Variants in CHD9 observed in about 807,000 individuals in gnomAD.
The protein encoded by CHD9 is ATP-dependent chromatin remodeler CHD9.
CHD9 carries 77 observed loss-of-function variants against 316.1 expected under a neutral mutation model. The observed-to-expected ratio is 0.24, with a 90% CI of 0.20 to 0.29. The LOEUF is 0.29. CHD9 is among the 10% of genes least tolerant of loss of function. CHD9 has a pLI of 1.00. For synonymous variants in CHD9, 1,129 were observed against 1,158.3 expected (o/e 0.97, Z 0.51); for missense variants, 2,763 against 3,438.1 (o/e 0.80, Z 4.91).
intron 2 of CHD9, 46 bp downstream of exon 2, chr16:53,157,587 G>A: frequency 6.5e-7 from 1 of 1,536,338 alleles, no homozygotes; most frequent in Non-Finnish European, 8.8e-7. Context: ...GGGTAGGGCG[G>A]ACTGTTAGTC....
chr16:53,307,962 A>T lies in CHD9; in HGVS notation c.7053+9A>T, dbSNP rs1249364794. ...CAGTGAAAATCAAAGACGTATGTGTATTTTTATTGCCCTAGGGCCTGATTG... is the reference window on the plus strand; with the variant it reads ...CAGTGAAAATCAAAGACGTATGTGTTTTTTTATTGCCCTAGGGCCTGATTG... On this transcript the variant is annotated intron_variant, in intron 33 of 38. Transcript: ENST00000447540. 1 of 1,583,174 alleles carries T rather than the reference A, an allele frequency of 6.3e-7. No individual in the cohort carries two copies. Among genetic ancestry groups the T allele is most frequent in the African/African-American group, 1.3e-5 (1 of 74,224 alleles).
chr16:53,082,299 G>A (rs967045707), intron 1 of CHD9, among the ~76,000 whole-genome samples: 13 of 151,326 alleles, frequency 8.6e-5, no homozygotes, highest in African/African-American at 1.5e-4. Flanking sequence ...GTGCAGTGGC[G>A]TGATCTTGGC....
intron 2 of CHD9, among the ~76,000 whole-genome samples, chr16:53,195,006 T>G (rs1209091308): frequency 6.6e-6 from 1 of 152,240 alleles, no homozygotes; most frequent in Non-Finnish European, 1.5e-5. Flanking sequence ...TTACTCAGAT[T>G]AATGATAAGA....
At chr16:53,211,630 A>G (rs1487738488) in intron 3 of CHD9, among the ~76,000 whole-genome samples, 5 of 152,176 alleles carry the variant, frequency 3.3e-5, no homozygotes, top group Non-Finnish European at 7.4e-5. Flanking sequence ...TATAAGTCGC[A>G]GGCAGATAAG....
chr16:53,282,993 T>C (rs1444903747), intron 24 of CHD9, among the ~76,000 whole-genome samples: 1 of 152,160 alleles, frequency 6.6e-6, no homozygotes, highest in Non-Finnish European at 1.5e-5. Context: ...CAAATCCCTA[T>C]CTGTAGCCCA....
At chr16:53,063,815 G>C (rs1309690669) in intron 1 of CHD9, among the ~76,000 whole-genome samples, 3 of 148,132 alleles carry the variant, frequency 2.0e-5, no homozygotes, top group Non-Finnish European at 3.0e-5. Context: ...ACAGGCATAA[G>C]CCACCATGCC....
intron 16 of CHD9, among the ~76,000 whole-genome samples, chr16:53,249,531 A>C (rs756764147): frequency 1.3e-5 from 2 of 152,206 alleles, no homozygotes; most frequent in Non-Finnish European, 2.9e-5. Flanking sequence ...GTTTTTGTGA[A>C]AGTATTTCTT....
At chr16:53,222,588 C>A in intron 3 of CHD9, 56 bp from the exon 4 acceptor site, 2 of 818,304 alleles carry the variant, frequency 2.4e-6, no homozygotes, top group South Asian at 3.2e-5. Flanking sequence ...TTAATTTAAT[C>A]AAATTTAGGA....
chr16:53,171,193 A>G (rs530177537), intron 2 of CHD9, among the ~76,000 whole-genome samples: 11 of 152,120 alleles, frequency 7.2e-5, no homozygotes, highest in South Asian at 6.2e-4. Flanking sequence ...GTGGATCATG[A>G]GGTCAGGAGA....
intron 1 of CHD9, among the ~76,000 whole-genome samples, chr16:53,130,414 G>A (rs1000354813): frequency 1.3e-5 from 2 of 151,338 alleles, no homozygotes; most frequent in African/African-American, 2.4e-5. Flanking sequence ...CCTCTGCGCC[G>A]ACCCCGCCAC....
At chr16:53,056,740 T>C (rs1460624102) in intron 1 of CHD9, among the ~76,000 whole-genome samples, 1 of 152,192 alleles carries the variant, frequency 6.6e-6, no homozygotes, top group African/African-American at 2.4e-5. Context: ...CATTTATTAT[T>C]GAGAGCCTAC....
At chr16:53,260,495 AT>A (rs2152987802) in intron 19 of CHD9, among the ~76,000 whole-genome samples, 1 of 152,302 alleles carries the variant, frequency 6.6e-6, no homozygotes, top group Non-Finnish European at 1.5e-5. Flanking sequence ...AAAAAGTTGA[AT>A]ATGAGTTTTT....
rs76330920 is a variant in CHD9 at position 53,104,248 on chromosome 16, C to T, written c.-165+49171C>T. ...ATTTTCAGTTAAAGAATGTTGTTTC[C>T]GATTATGGCACAGTTAGAAATTGCA... On this transcript the variant is annotated intron_variant, in intron 1 of 38. Coordinates refer to ENST00000447540, the MANE Select transcript of CHD9 (RefSeq NM_001308319.2). Among the ~76,000 whole-genome samples the T allele has an allele frequency of 9.9e-5, 15 of 152,272 alleles. No individual in the cohort carries two copies. In the East Asian group the frequency reaches 2.3e-3, roughly 24 times the overall value.
intron 2 of CHD9, among the ~76,000 whole-genome samples, chr16:53,192,476 T>G (rs2044557127): frequency 6.6e-6 from 1 of 152,234 alleles, no homozygotes; most frequent in African/African-American, 2.4e-5. Flanking sequence ...CATGTAATTT[T>G]GTTTTAGACA....
At chr16:53,063,556 A>G (rs2152501240) in intron 1 of CHD9, among the ~76,000 whole-genome samples, 1 of 151,772 alleles carries the variant, frequency 6.6e-6, no homozygotes, top group South Asian at 2.1e-4. Flanking sequence ...TTTTTGAGAC[A>G]GAGTCTCGCT....
intron 13 of CHD9, among the ~76,000 whole-genome samples, chr16:53,244,472 T>C (rs918965231): frequency 6.6e-6 from 1 of 152,174 alleles, no homozygotes; most frequent in Non-Finnish European, 1.5e-5. Context: ...ATTGCAGGCA[T>C]GAGCCACCGC....
intron 1 of CHD9, among the ~76,000 whole-genome samples, chr16:53,090,983 G>A (rs1473854553): frequency 6.7e-6 from 1 of 149,376 alleles, no homozygotes; most frequent in Non-Finnish European, 1.5e-5. Context: ...TTTGTGGTGT[G>A]GAGGATGGGA....
chr16:53,136,929 T>C (rs2039757599), intron 1 of CHD9, among the ~76,000 whole-genome samples: 1 of 152,162 alleles, frequency 6.6e-6, no homozygotes, highest in African/African-American at 2.4e-5. Flanking sequence ...TGAAATCATA[T>C]AATAAGTGTT....
chr16:53,240,908 A>T (rs1597594018), intron 12 of CHD9, among the ~76,000 whole-genome samples: 1 of 152,176 alleles, frequency 6.6e-6, no homozygotes, highest in African/African-American at 2.4e-5. Flanking sequence ...TTGCCCCAAA[A>T]TCACAGTGTA....
Sources: gnomAD v4.1 joint callset for allele counts (sites outside exome capture counted in the v4.1 genomes callset) on GRCh38, gnomAD v4.1.1 for gene constraint, MANE v1.5 for transcripts, NCBI Gene and HGNC (gene_info 2026-07-23, HGNC 2026-07-21) for gene names.